PHF14: variants seen among roughly 807,000 people sequenced by gnomAD.
PHF14 encodes PHD finger protein 14.
PHF14 carries 55 observed loss-of-function variants against 117.9 expected under a neutral mutation model. The ratio of observed to expected loss-of-function variants is 0.47; its 90% confidence interval spans 0.38 to 0.58. PHF14 has a LOEUF of 0.58. Ranked by LOEUF, PHF14 falls within the 20% of genes least tolerant of loss-of-function variation. The pLI is 0.00. For missense variants in PHF14, 978 were observed against 1,122.2 expected (o/e 0.87, Z 1.84); for synonymous variants, 409 against 368.6 (o/e 1.11, Z -1.26).
intron 17 of PHF14, among the ~76,000 whole-genome samples, chr7:11,118,961 A>C (rs1787674830): frequency 6.6e-6 from 1 of 151,860 alleles, no homozygotes; most frequent in Non-Finnish European, 1.5e-5. Context: ...TAGAACATCT[A>C]AAAATAGACC....
At chr7:11,075,697 A>G (rs1377069052) in intron 16 of PHF14, among the ~76,000 whole-genome samples, 2 of 151,742 alleles carry the variant, frequency 1.3e-5, no homozygotes, top group African/African-American at 2.4e-5. Flanking sequence ...TGGAGGAGAC[A>G]TATATCCAAA....
chr7:11,169,347 A>C, intron 17 of PHF14, 69 bp from the exon 18 acceptor site: 1 of 690,828 alleles, frequency 1.4e-6, no homozygotes, highest in Non-Finnish European at 2.4e-6. Flanking sequence ...TGCAGTTAAA[A>C]TCTGTCAAGT....
intron 12 of PHF14, among the ~76,000 whole-genome samples, 175 bp from the exon 13 acceptor site, chr7:11,042,508 T>G (rs1219451401): frequency 6.6e-6 from 1 of 152,150 alleles, no homozygotes; most frequent in East Asian, 1.9e-4. Flanking sequence ...TATTTAGAAC[T>G]AACAGTTACT....
intron 16 of PHF14, among the ~76,000 whole-genome samples, chr7:11,101,010 A>T (rs1301216397): frequency 6.6e-6 from 1 of 151,956 alleles, no homozygotes; most frequent in Non-Finnish European, 1.5e-5. Flanking sequence ...TAATTTGTTT[A>T]CTAGTTGCAT....
chr7:11,075,565 T>G (rs13238881), intron 16 of PHF14, among the ~76,000 whole-genome samples: 1 of 5,994 alleles, frequency 1.7e-4, no homozygotes, highest in African/African-American at 3.0e-3. Flanking sequence ...AGGAAAGAGG[T>G]TTTTTTTTTT....
intron 2 of PHF14, among the ~76,000 whole-genome samples, chr7:10,981,516 G>A (rs1782043281): frequency 6.6e-6 from 1 of 152,196 alleles, no homozygotes; most frequent in Non-Finnish European, 1.5e-5. Flanking sequence ...GGCAGGAGTG[G>A]AAGAAACCTG....
chr7:11,069,955 ATTTG>A (rs1187716604), intron 16 of PHF14, among the ~76,000 whole-genome samples: 4 of 151,812 alleles, frequency 2.6e-5, no homozygotes, highest in Non-Finnish European at 5.9e-5. Flanking sequence ...TTTTTAAAGC[ATTTG>A]TTTAAGATAC....
At chr7:11,166,670 T>C (rs73286537) in intron 17 of PHF14, among the ~76,000 whole-genome samples, 4,240 of 152,258 alleles carry the variant, frequency 0.028, 211 homozygotes, top group African/African-American at 0.097. Context: ...TATTATACTC[T>C]AGCAATTAGA....
chr7:11,026,523 C>G (rs1274361684), intron 6 of PHF14, among the ~76,000 whole-genome samples: 2 of 152,088 alleles, frequency 1.3e-5, no homozygotes, highest in Admixed American at 6.5e-5. Context: ...TTGGGCAGCA[C>G]TTAGAACTAG....
In PHF14 at chr7:10,982,981, A is replaced by G. The variant is rs1371096634; in HGVS notation, c.722A>G (p.Asp241Gly). ...GATGGAGACAATGAGGATGATGAAG[A>G]TGAGGGAAGCGGGAGTGATGAAGAC... ...GSDGDNEDDE[D>G]EGSGSDEDEN... is the part of the protein sequence containing the mutation. The change falls in exon 3 of 18, where the codon GAT (aspartate) becomes GGT (glycine). Residue 241 changes from aspartate (D) to glycine (G), a missense_variant. Coordinates refer to ENST00000634607, the MANE Select transcript of PHF14 (RefSeq NM_001007157.2). The G allele has an allele frequency of 2.5e-6, 4 of 1,587,324 alleles. No individual in the cohort carries two copies. Among genetic ancestry groups the G allele is most frequent in the Non-Finnish European group, 3.4e-6 (4 of 1,166,988 alleles).
At position 11,022,892 on chromosome 7, in the gene PHF14, G is replaced by T. The variant is rs368000281; in HGVS notation, c.1230G>T (p.Leu410=). 118 of 1,606,352 alleles carry T rather than the reference G, an allele frequency of 7.3e-5. No individual in the cohort carries two copies. Among genetic ancestry groups the T allele is most frequent in the Admixed American group, 2.5e-4 (15 of 59,696 alleles). Residue 410 remains leucine, a synonymous_variant, in exon 6 of 18, where the codon CTG becomes CTT. Coordinates refer to ENST00000634607, the MANE Select transcript of PHF14 (RefSeq NM_001007157.2). Reference sequence around the variant, plus strand: ...GATGGGTTCATATTGTTTGTGCCCTGTATGTTCCTGGAGTAGCCTTTGGAG... The same window carrying T: ...GATGGGTTCATATTGTTTGTGCCCTTTATGTTCCTGGAGTAGCCTTTGGAG... The part of the protein sequence containing the change: ...AGRWVHIVCA[L]YVPGVAFGDI...
At chr7:11,093,237 T>C (rs1786712152) in intron 16 of PHF14, among the ~76,000 whole-genome samples, 1 of 152,250 alleles carries the variant, frequency 6.6e-6, no homozygotes, top group Admixed American at 6.5e-5. Context: ...TTTGTTCTGC[T>C]GATTGCTTTG....
chr7:11,009,429 A>T (rs1783257761), intron 4 of PHF14, among the ~76,000 whole-genome samples: 1 of 152,198 alleles, frequency 6.6e-6, no homozygotes, highest in African/African-American at 2.4e-5. Flanking sequence ...GATTGATGCT[A>T]ATTAAATGGC....
chr7:11,077,086 G>C (rs368865433), intron 16 of PHF14, among the ~76,000 whole-genome samples: 1 of 151,826 alleles, frequency 6.6e-6, no homozygotes, highest in Non-Finnish European at 1.5e-5. Flanking sequence ...GAAATTCATA[G>C]TATGTTACCA....
chr7:10,988,072 T>A (rs1782290224), intron 3 of PHF14, among the ~76,000 whole-genome samples: 1 of 151,868 alleles, frequency 6.6e-6, no homozygotes, highest in Admixed American at 6.6e-5. Context: ...TAATTTTTTT[T>A]AAGGAGGATG....
chr7:11,020,378 A>T (rs1434331584), intron 5 of PHF14, among the ~76,000 whole-genome samples: 1 of 149,004 alleles, frequency 6.7e-6, no homozygotes, highest in Non-Finnish European at 1.5e-5. Flanking sequence ...TACCTGGCCA[A>T]TTTTTTCTTT....
chr7:11,011,105 A>G (rs1478331432), intron 4 of PHF14, among the ~76,000 whole-genome samples: 1 of 152,188 alleles, frequency 6.6e-6, no homozygotes, highest in Non-Finnish European at 1.5e-5. Context: ...TTTAGTTATG[A>G]TCTATATTTG....
chr7:10,993,516 A>C (rs963195975), intron 4 of PHF14, among the ~76,000 whole-genome samples: 17 of 152,076 alleles, frequency 1.1e-4, no homozygotes, highest in African/African-American at 3.9e-4. Context: ...GTATTCTGTA[A>C]ATTTTAGGCA....
chr7:11,000,936 A>G (rs1271008325), intron 4 of PHF14, among the ~76,000 whole-genome samples: 5 of 152,022 alleles, frequency 3.3e-5, no homozygotes, highest in African/African-American at 1.2e-4. Context: ...AGTCGTTACT[A>G]TGCCTGAGGT....
Sources: gnomAD v4.1 joint callset for allele counts (sites outside exome capture counted in the v4.1 genomes callset) on GRCh38, gnomAD v4.1.1 for gene constraint, MANE v1.5 for transcripts, NCBI Gene and HGNC (gene_info 2026-07-23, HGNC 2026-07-21) for gene names.